Variants in WWOX observed in about 807,000 individuals in gnomAD.
The protein encoded by WWOX is WW domain containing oxidoreductase.
A neutral mutation model predicts 46.2 loss-of-function variants in WWOX; 69 were observed. The ratio of observed to expected loss-of-function variants is 1.49; its 90% CI spans 1.23 to 1.82. The LOEUF is 1.82. Among genes scored for constraint, WWOX ranks in the 40% most tolerant of loss-of-function variants. The pLI is 0.00. For missense variants in WWOX, 919 were observed against 542.6 expected (o/e 1.69, Z -6.89); for synonymous variants, 359 against 202.6 (o/e 1.77, Z -6.56).
At chr16:78,634,321 CTTATTT>C (rs2046511996) in intron 8 of WWOX, among the ~76,000 whole-genome samples, 1 of 152,124 alleles carries the variant, frequency 6.6e-6, no homozygotes, top group Non-Finnish European at 1.5e-5. Context: ...CGCTTCAGCT[CTTATTT>C]TTAAGTCATC....
chr16:78,767,969 C>G (rs1351333251), intron 8 of WWOX, among the ~76,000 whole-genome samples: 2 of 152,028 alleles, frequency 1.3e-5, no homozygotes, highest in Non-Finnish European at 2.9e-5. Context: ...CTAATGTCTT[C>G]TAGTACTGTT....
At chr16:78,943,290 G>A (rs1008840978) in intron 8 of WWOX, among the ~76,000 whole-genome samples, 2 of 152,126 alleles carry the variant, frequency 1.3e-5, no homozygotes, top group Non-Finnish European at 1.5e-5. Flanking sequence ...TGGATAAGGA[G>A]AATGAGGTAC....
chr16:78,421,281 G>A (rs1204670164), intron 6 of WWOX, among the ~76,000 whole-genome samples: 1 of 152,094 alleles, frequency 6.6e-6, no homozygotes, highest in Non-Finnish European at 1.5e-5. Flanking sequence ...AGGCTGGAAG[G>A]AGCATCTGTT....
At chr16:78,923,794 G>GTTTTTTTTTTTTTT (rs56852814) in intron 8 of WWOX, among the ~76,000 whole-genome samples, 1 of 102,166 alleles carries the variant, frequency 9.8e-6, no homozygotes, top group Non-Finnish European at 1.8e-5. Flanking sequence ...TTTTTAGTTA[G>GTTTTTTTTTTTTTT]TTTTTTTTTT....
intron 8 of WWOX, among the ~76,000 whole-genome samples, chr16:78,737,102 A>T (rs1300199107): frequency 6.6e-6 from 1 of 151,344 alleles, no homozygotes; most frequent in Non-Finnish European, 1.5e-5. Context: ...TTGTTTATTT[A>T]TTTATTCATT....
intron 8 of WWOX, among the ~76,000 whole-genome samples, chr16:79,022,223 T>G (rs2047548143): frequency 6.6e-6 from 1 of 151,938 alleles, no homozygotes. Flanking sequence ...TAGGCTGGGA[T>G]CAGCGCCCAA....
At chr16:78,768,294 A>AG (rs1487996417) in intron 8 of WWOX, among the ~76,000 whole-genome samples, 1 of 150,756 alleles carries the variant, frequency 6.6e-6, no homozygotes, top group African/African-American at 2.4e-5. Context: ...AAAAAAAAAA[A>AG]AAAAAAGTTG....
At chr16:79,067,309 T>G (rs2048459545) in intron 8 of WWOX, among the ~76,000 whole-genome samples, 1 of 152,222 alleles carries the variant, frequency 6.6e-6, no homozygotes, top group South Asian at 2.1e-4. Flanking sequence ...AGGTCCTGCA[T>G]GACTTGAGTC....
chr16:78,934,337 C>CAAAAAAAAAAAAAAAAAA lies in WWOX; in HGVS notation c.1057-277257_1057-277256insAAAAAAAAAAAAAAAAAA, dbSNP rs747448353. ...TGGGCGACAGAGCAAGTCTCCGTCT[C>CAAAAAAAAAAAAAAAAAA]AAAAAAAAAAAAAAGAAGAAACTTA... On this transcript the variant is annotated intron_variant, in intron 8 of 8. Transcript: ENST00000566780. Among the ~76,000 whole-genome samples, 125 of 78,138 alleles carry CAAAAAAAAAAAAAAAAAA rather than the reference C, an allele frequency of 1.6e-3. 5 individuals carry two copies. The highest frequency in any genetic ancestry group is 4.4e-3 in the African/African-American group (76 of 17,470). The allele number at this position is 78,138 out of a possible 152,430, so 51.3% of individuals were successfully genotyped here. A position where few individuals can be genotyped will look rare whatever the true frequency, so the allele number is the denominator to read the frequency against.
intron 8 of WWOX, among the ~76,000 whole-genome samples, chr16:79,103,911 G>C (rs1046485425): frequency 6.6e-6 from 1 of 151,958 alleles, no homozygotes; most frequent in Non-Finnish European, 1.5e-5. Flanking sequence ...CAGGCAAAGA[G>C]CTCCTTAATT....
intron 8 of WWOX, among the ~76,000 whole-genome samples, chr16:78,615,678 A>G (rs1249384571): frequency 6.7e-6 from 1 of 150,326 alleles, no homozygotes; most frequent in Non-Finnish European, 1.5e-5. Flanking sequence ...GAAATAAATA[A>G]ATACATAATA....
intron 8 of WWOX, among the ~76,000 whole-genome samples, chr16:79,019,157 C>CAAAAAAAAAAAAAAAAAAAAAA (rs903333994): frequency 1.2e-4 from 3 of 24,572 alleles, no homozygotes; most frequent in African/African-American, 3.1e-4. Flanking sequence ...GACCTTGTCT[C>CAAAAAAAAAAAAAAAAAAAAAA]AAAAAAAAAA....
chr16:78,873,345 A>T (rs1383106377), intron 8 of WWOX: 1 of 152,208 alleles, frequency 6.6e-6, no homozygotes, highest in Non-Finnish European at 1.5e-5. Context: ...AGATCTGGTC[A>T]TCACCCTTCA....
intron 8 of WWOX, among the ~76,000 whole-genome samples, chr16:78,502,321 C>G (rs911278991): frequency 6.6e-6 from 1 of 152,174 alleles, no homozygotes; most frequent in South Asian, 2.1e-4. Context: ...AAAATGACCC[C>G]TTAGTCATCA....
chr16:78,437,689 A>G (rs536110830), intron 8 of WWOX, among the ~76,000 whole-genome samples: 1 of 152,318 alleles, frequency 6.6e-6, no homozygotes, highest in Admixed American at 6.5e-5. Flanking sequence ...ATAAACTTGG[A>G]AAGTGAGTTA....
At chr16:78,490,828 G>A (rs1349298020) in intron 8 of WWOX, among the ~76,000 whole-genome samples, 2 of 152,150 alleles carry the variant, frequency 1.3e-5, no homozygotes, top group Non-Finnish European at 2.9e-5. Flanking sequence ...ACTTAGACTA[G>A]GAAATGGCTC....
rs755586346 is a variant in WWOX, at chr16:79,211,709, A to G, written c.1158A>G (p.Pro386=). 1.4e-5 allele frequency: 23 copies of G among 1,614,228 alleles called. No individual in the cohort carries two copies. Among genetic ancestry groups the G allele is most frequent in the South Asian group, 4.4e-5 (4 of 91,092 alleles). ...ACTGCTGCCGCTGCATGCCCTCACC[A>G]GAAGCTCAGAGCGAAGAGACGGCCC... ...FNNCCRCMPS[P]EAQSEETART... is the part of the protein sequence containing the mutation. The change falls in exon 9 of 9, where the codon CCA becomes CCG. Residue 386 remains proline, a synonymous_variant. Coordinates refer to ENST00000566780, the MANE Select transcript of WWOX (RefSeq NM_016373.4).
intron 6 of WWOX, among the ~76,000 whole-genome samples, chr16:78,413,408 G>C (rs779366658): frequency 3.9e-5 from 6 of 152,194 alleles, no homozygotes; most frequent in Non-Finnish European, 7.3e-5. Context: ...TTAGTTCTTA[G>C]AGGTTTTGGC....
intron 8 of WWOX, among the ~76,000 whole-genome samples, chr16:79,010,304 G>T (rs969231610): frequency 2.6e-5 from 4 of 152,206 alleles, no homozygotes; most frequent in African/African-American, 7.2e-5. Context: ...AGAGAGTGGC[G>T]TGTGCTGAGG....
Sources: gnomAD v4.1 joint callset for allele counts (sites outside exome capture counted in the v4.1 genomes callset) on GRCh38, gnomAD v4.1.1 for gene constraint, MANE v1.5 for transcripts, NCBI Gene and HGNC (gene_info 2026-07-23, HGNC 2026-07-21) for gene names.